MSR1: variants seen among roughly 807,000 people sequenced by gnomAD.
MSR1 encodes macrophage scavenger receptor 1.
A neutral mutation model predicts 47.2 loss-of-function variants in MSR1; 53 were observed. The observed-to-expected ratio is 1.12, with a 90% CI of 0.90 to 1.41. The LOEUF (loss-of-function observed/expected upper bound fraction) is 1.41, where lower values mean the gene tolerates loss of function less well. Among genes scored for constraint, MSR1 ranks in the 40% most tolerant of loss-of-function variants. MSR1 has a pLI of 0.00. For missense variants in MSR1, 786 were observed against 546.9 expected (o/e 1.44, Z -4.36); for synonymous variants, 239 against 185.6 (o/e 1.29, Z -2.34).
rs185376628 is a variant in MSR1, at chr8:16,129,222, G to C, written c.1034-8616C>G. ...ACGTCATTAGGAAATGGGTCATTTT[G>C]CTAAATAATTCACATTAGAATTCCT... On this transcript the variant is annotated intron_variant, in intron 8 of 9. Transcript: ENST00000262101. Among the ~76,000 whole-genome samples, 78 of 152,206 alleles carry C rather than the reference G, an allele frequency of 5.1e-4. 1 individual carries two copies. The East Asian group carries it at 0.011, about 21-fold the overall frequency.
chr8:16,147,578 ATTAC>A (rs1800735568), intron 7 of MSR1, among the ~76,000 whole-genome samples: 1 of 152,138 alleles, frequency 6.6e-6, no homozygotes, highest in Non-Finnish European at 1.5e-5. Flanking sequence ...TCTGAAATAT[ATTAC>A]TTTATCTATC....
chr8:16,173,027 T>C (rs1801532395), intron 3 of MSR1, among the ~76,000 whole-genome samples: 2 of 152,202 alleles, frequency 1.3e-5, no homozygotes, highest in South Asian at 2.1e-4. Context: ...TTGTGAATTG[T>C]TTATTGTTAA....
At chr8:16,169,232 G>A (rs536080454) in intron 3 of MSR1, among the ~76,000 whole-genome samples, 6 of 152,268 alleles carry the variant, frequency 3.9e-5, no homozygotes, top group Admixed American at 6.5e-5. Context: ...GAATAAAGTG[G>A]ACTAATGCTT....
chr8:16,142,776 C>T (rs1258573990), intron 8 of MSR1, among the ~76,000 whole-genome samples: 1 of 152,112 alleles, frequency 6.6e-6, no homozygotes, highest in African/African-American at 2.4e-5. Context: ...TTTGTGTTAC[C>T]TATCCCATGG....
chr8:16,151,340 T>A (rs924017054), intron 6 of MSR1, among the ~76,000 whole-genome samples: 1 of 152,092 alleles, frequency 6.6e-6, no homozygotes, highest in South Asian at 2.1e-4. Context: ...TTTCAATGAA[T>A]GAACAAATAA....
chr8:16,189,888 T>C (rs1050977921), intron 1 of MSR1, among the ~76,000 whole-genome samples: 3 of 148,364 alleles, frequency 2.0e-5, no homozygotes, highest in Non-Finnish European at 4.4e-5. Flanking sequence ...GCTTCACTGA[T>C]ATAAATAATG....
chr8:16,166,388 C>T (rs1032495323), intron 4 of MSR1, among the ~76,000 whole-genome samples: 3 of 151,440 alleles, frequency 2.0e-5, no homozygotes, highest in Non-Finnish European at 2.9e-5. Flanking sequence ...GTCTCGAACT[C>T]CTGACCTCGT....
At chr8:16,123,727 A>AAAACAG (rs945163590) in intron 8 of MSR1, among the ~76,000 whole-genome samples, 1 of 152,280 alleles carries the variant, frequency 6.6e-6, no homozygotes, top group African/African-American at 2.4e-5. Flanking sequence ...AATTGGTGAA[A>AAAACAG]AAACAGAAAC....
intron 8 of MSR1, chr8:16,139,748 A>T (rs1391016405): frequency 2.5e-4 from 19 of 77,374 alleles, no homozygotes; most frequent in African/African-American, 5.4e-4. Context: ...TTCAAAACTT[A>T]AAAAAAAAAA....
intron 3 of MSR1, among the ~76,000 whole-genome samples, chr8:16,169,791 G>C (rs757893188): frequency 6.6e-6 from 1 of 151,720 alleles, no homozygotes; most frequent in Non-Finnish European, 1.5e-5. Context: ...GGATCTGCCA[G>C]ATTTATTTAA....
intron 8 of MSR1, chr8:16,140,173 A>G: frequency 2.0e-6 from 2 of 985,204 alleles, no homozygotes; most frequent in Non-Finnish European, 2.4e-6. Flanking sequence ...CATATTATCA[A>G]TACTCATGAC....
chr8:16,146,033 T>C (rs1412598020), intron 7 of MSR1, among the ~76,000 whole-genome samples: 1 of 152,146 alleles, frequency 6.6e-6, no homozygotes, highest in East Asian at 1.9e-4. Flanking sequence ...AGGGGGTGTC[T>C]TCAATAACAT....
intron 1 of MSR1, among the ~76,000 whole-genome samples, chr8:16,178,467 G>C (rs1801727042): frequency 6.6e-6 from 1 of 152,164 alleles, no homozygotes. Context: ...GTACTCCACG[G>C]TGTACATGTG....
rs549029779 is a variant in MSR1, at chr8:16,155,061, T to C, written c.898+3A>G. On this transcript the variant is annotated splice_donor_region_variant and intron_variant, in intron 6 of 9. Coordinates refer to ENST00000262101, the MANE Select transcript of MSR1 (RefSeq NM_138715.3). Reference sequence around the variant, plus strand: ...TATGATTAAATAGCTAAAATTACCATACCTATTGGACCTGGAAATCCTCGT... The same window carrying C: ...TATGATTAAATAGCTAAAATTACCACACCTATTGGACCTGGAAATCCTCGT... The C allele has an allele frequency of 1.7e-4, 267 of 1,608,880 alleles. 4 individuals are homozygous for C. The South Asian group carries it at 2.8e-3, about 17-fold the overall frequency.
chr8:16,176,836 A>T (rs1174786516), intron 2 of MSR1, among the ~76,000 whole-genome samples: 1 of 152,012 alleles, frequency 6.6e-6, no homozygotes, highest in Non-Finnish European at 1.5e-5. Context: ...ATATCCTCCC[A>T]TCCATCCTTT....
At chr8:16,183,097 G>T (rs1801883756) in intron 1 of MSR1, among the ~76,000 whole-genome samples, 1 of 152,050 alleles carries the variant, frequency 6.6e-6, no homozygotes, top group Non-Finnish European at 1.5e-5. Context: ...ATGGTCCTGT[G>T]TTGACTGAAA....
intron 8 of MSR1, 30 bp downstream of exon 8, chr8:16,143,528 C>G (rs768636564): frequency 6.3e-7 from 1 of 1,598,060 alleles, no homozygotes; most frequent in Admixed American, 1.7e-5. Flanking sequence ...TACAAGAATT[C>G]ACACAGAAAA....
intron 9 of MSR1, among the ~76,000 whole-genome samples, chr8:16,116,683 G>GAGAT (rs1799883003): frequency 6.6e-6 from 1 of 151,526 alleles, no homozygotes; most frequent in Non-Finnish European, 1.5e-5. Context: ...CTACTTTATA[G>GAGAT]AGATATAAGC....
chr8:16,155,904 AT>A (rs1176731394), intron 5 of MSR1, among the ~76,000 whole-genome samples: 1 of 151,712 alleles, frequency 6.6e-6, no homozygotes, highest in Non-Finnish European at 1.5e-5. Context: ...TGGTCTCATC[AT>A]TTTTTTTCAG....
Sources: gnomAD v4.1 joint callset for allele counts (sites outside exome capture counted in the v4.1 genomes callset) on GRCh38, gnomAD v4.1.1 for gene constraint, MANE v1.5 for transcripts, NCBI Gene and HGNC (gene_info 2026-07-23, HGNC 2026-07-21) for gene names.